ODAD2: variants seen among roughly 807,000 people sequenced by gnomAD.
ODAD2 encodes the protein outer dynein arm-docking complex subunit 2.
ODAD2 carries 89 observed loss-of-function variants against 106.8 expected under a neutral mutation model. The ratio of observed to expected loss-of-function variants is 0.83; its 90% confidence interval spans 0.70 to 0.99. The LOEUF is 0.99. ODAD2 is among the 50% of genes least tolerant of loss of function. ODAD2 has a pLI of 0.00. For missense variants in ODAD2, 1,168 were observed against 1,238.5 expected (o/e 0.94, Z 0.85); for synonymous variants, 404 against 436.2 (o/e 0.93, Z 0.92).
intron 2 of ODAD2, 105 bp from the exon 3 acceptor site, chr10:27,987,648 T>G: frequency 1.4e-6 from 1 of 717,442 alleles, no homozygotes; most frequent in Non-Finnish European, 2.1e-6. Flanking sequence ...CATTATAAAA[T>G]ACAGAAAATA....
chr10:27,850,961 C>G (rs1313014237), intron 19 of ODAD2, among the ~76,000 whole-genome samples: 1 of 152,170 alleles, frequency 6.6e-6, no homozygotes, highest in Non-Finnish European at 1.5e-5. Flanking sequence ...ACCACAGCCA[C>G]TAGAGTCTTC....
intron 17 of ODAD2, among the ~76,000 whole-genome samples, chr10:27,902,992 C>CA (rs890781129): frequency 2.0e-5 from 3 of 151,622 alleles, no homozygotes; most frequent in African/African-American, 2.4e-5. Flanking sequence ...AGAGACACAA[C>CA]AAAAAAAAGA....
chr10:27,970,101 A>AAAAT (rs57804974), intron 8 of ODAD2, among the ~76,000 whole-genome samples: 20,423 of 133,248 alleles, frequency 0.15, 1,573 homozygotes, highest in Non-Finnish European at 0.17. Flanking sequence ...TCTGTCTCAA[A>AAAAT]AAATAAATAA....
chr10:27,882,177 G>GA (rs563646045), intron 17 of ODAD2, among the ~76,000 whole-genome samples: 2 of 114,236 alleles, frequency 1.8e-5, no homozygotes, highest in African/African-American at 6.0e-5. Flanking sequence ...TAAAAAAAAA[G>GA]AAAGAAAGAA....
At chr10:27,968,167 A>G (rs1200400044) in intron 9 of ODAD2, among the ~76,000 whole-genome samples, 2 of 151,564 alleles carry the variant, frequency 1.3e-5, no homozygotes, top group Non-Finnish European at 2.9e-5. Context: ...AAGAGAAGAT[A>G]GAAAAGAAAA....
chr10:27,897,127 G>A lies in ODAD2; in HGVS notation c.2610+10536C>T, dbSNP rs534798451. Among the ~76,000 whole-genome samples, 3 of 151,820 alleles carry A rather than the reference G, an allele frequency of 2.0e-5. No homozygotes were observed. In the South Asian group the frequency reaches 6.3e-4, roughly 32 times the overall value. On this transcript the variant is annotated intron_variant, in intron 17 of 19. Transcript: ENST00000305242. ...ATTTCTCTCCTTTCTTGGCTTTTTT[G>A]TAATCAAGTTCTCCTGGTTTTCCCA...
intron 19 of ODAD2, among the ~76,000 whole-genome samples, chr10:27,848,450 C>T (rs1220728770): frequency 6.6e-6 from 1 of 151,678 alleles, no homozygotes; most frequent in African/African-American, 2.4e-5. Flanking sequence ...TAAAACCATA[C>T]AAACCCTAGA....
At chr10:27,937,004 G>A (rs749833861) in intron 14 of ODAD2, 124 bp from the exon 15 acceptor site, 150 of 848,720 alleles carry the variant, frequency 1.8e-4, no homozygotes, top group Non-Finnish European at 2.4e-4. Flanking sequence ...TTCGAAAGAT[G>A]CCTCCAAGTA....
intron 1 of ODAD2, among the ~76,000 whole-genome samples, chr10:27,997,206 G>A (rs1850607677): frequency 6.6e-6 from 1 of 152,154 alleles, no homozygotes; most frequent in Admixed American, 6.5e-5. Flanking sequence ...GCTAACCGAT[G>A]AGAAATGCTT....
intron 16 of ODAD2, among the ~76,000 whole-genome samples, chr10:27,925,274 C>G: frequency 6.6e-6 from 1 of 152,074 alleles, no homozygotes; most frequent in East Asian, 1.9e-4. Flanking sequence ...AGAAAAAAAT[C>G]ATGATGAAAC....
At chr10:27,827,841 G>A (rs1837190990) in intron 19 of ODAD2, among the ~76,000 whole-genome samples, 1 of 152,184 alleles carries the variant, frequency 6.6e-6, no homozygotes, top group Non-Finnish European at 1.5e-5. Context: ...AAGGTTCACA[G>A]GGTCTTCGGC....
chr10:27,869,377 T>A (rs548559688), intron 17 of ODAD2, among the ~76,000 whole-genome samples: 15 of 151,642 alleles, frequency 9.9e-5, no homozygotes, highest in Admixed American at 3.9e-4. Flanking sequence ...TCTCCTGAAA[T>A]AAATAAAACC....
intron 16 of ODAD2, among the ~76,000 whole-genome samples, chr10:27,926,827 T>C (rs1845290277): frequency 6.6e-6 from 1 of 152,164 alleles, no homozygotes; most frequent in Non-Finnish European, 1.5e-5. Flanking sequence ...AAAACATAAA[T>C]GTTAATGGTT....
chr10:27,891,648 A>T (rs370312052), intron 17 of ODAD2, among the ~76,000 whole-genome samples: 2 of 151,824 alleles, frequency 1.3e-5, no homozygotes, highest in East Asian at 3.9e-4. Context: ...TGAAAATGCA[A>T]ATATAGTTGA....
At chr10:27,988,770 G>GGAA (rs1850039212) in intron 2 of ODAD2, among the ~76,000 whole-genome samples, 1 of 152,056 alleles carries the variant, frequency 6.6e-6, no homozygotes, top group Non-Finnish European at 1.5e-5. Flanking sequence ...TAAGAGGATA[G>GGAA]GAACTAGGGG....
intron 16 of ODAD2, among the ~76,000 whole-genome samples, chr10:27,921,964 C>T (rs1347247904): frequency 2.7e-5 from 4 of 150,282 alleles, no homozygotes; most frequent in Non-Finnish European, 5.9e-5. Flanking sequence ...CTCAGGGGTT[C>T]GAGACCCACG....
At chr10:27,924,327 C>G (rs929970464) in intron 16 of ODAD2, among the ~76,000 whole-genome samples, 5 of 151,424 alleles carry the variant, frequency 3.3e-5, no homozygotes, top group African/African-American at 1.2e-4. Context: ...TAAGACACTT[C>G]TAAAAATGAT....
rs1846015542 is a variant in ODAD2, at chr10:27,936,834, C to A, written c.2144G>T (p.Gly715Val). 1 of 1,613,762 alleles carries A rather than the reference C, an allele frequency of 6.2e-7. No individual in the cohort carries two copies. Among genetic ancestry groups the A allele is most frequent in the Non-Finnish European group, 8.5e-7 (1 of 1,179,904 alleles). ...ETRDLVRLHG[G>V]LKPLASLLNN... is the part of the protein sequence containing the mutation. Reference sequence around the variant, plus strand: ...GAGTAGACTGGCCAAGGGCTTAAGTCCTCCGTGCAGCCTAACGAGGTCCCG... The same window carrying A: ...GAGTAGACTGGCCAAGGGCTTAAGTACTCCGTGCAGCCTAACGAGGTCCCG... The change falls in exon 15 of 20, where the codon GGA becomes GTA. Residue 715 changes from glycine to valine, a missense_variant. Transcript: ENST00000305242.
At chr10:27,880,585 T>A (rs915165002) in intron 17 of ODAD2, among the ~76,000 whole-genome samples, 18 of 152,162 alleles carry the variant, frequency 1.2e-4, no homozygotes, top group African/African-American at 4.3e-4. Flanking sequence ...GATTAAGTCA[T>A]GAGGATGGAG....
Sources: allele counts gnomAD v4.1 joint callset (sites outside exome capture counted in the v4.1 genomes callset), GRCh38; gene constraint gnomAD v4.1.1; transcripts MANE v1.5; gene names NCBI Gene and HGNC (gene_info 2026-07-23, HGNC 2026-07-21).